The following PCDH15 variants were observed in gnomAD, a reference collection of about 807,000 sequenced individuals.
PCDH15 encodes protocadherin-15.
A neutral mutation model predicts 178.5 loss-of-function variants in PCDH15; 129 were observed. That is an observed-to-expected ratio of 0.72 (90% CI 0.63 to 0.84). PCDH15 has a LOEUF of 0.84. PCDH15 is among the 40% of genes least tolerant of loss of function. The pLI is 0.00. For missense variants in PCDH15, 2,230 were observed against 2,099.9 expected (o/e 1.06, Z -1.21); for synonymous variants, 800 against 732.0 (o/e 1.09, Z -1.50).
intron 2 of PCDH15, among the ~76,000 whole-genome samples, chr10:54,898,768 T>C (rs181058590): frequency 7.9e-5 from 12 of 152,302 alleles, no homozygotes; most frequent in Non-Finnish European, 1.8e-4. Context: ...CCTGAATATA[T>C]AGATAACATG....
chr10:54,599,857 GA>G, intron 2 of PCDH15: 1 of 653,612 alleles, frequency 1.5e-6, no homozygotes, highest in Non-Finnish European at 2.8e-6. Flanking sequence ...AACAGAGGCT[GA>G]AGGTGAAGTA....
At chr10:53,808,271 G>A in intron 37 of PCDH15, 1 of 333,912 alleles carries the variant, frequency 3.0e-6, no homozygotes, top group African/African-American at 2.3e-5. Context: ...ATAATTTGTT[G>A]AAGCTTGTCT....
At chr10:53,855,373 TA>T (rs1291962813) in intron 28 of PCDH15, among the ~76,000 whole-genome samples, 1 of 152,068 alleles carries the variant, frequency 6.6e-6, no homozygotes, top group Admixed American at 6.6e-5. Context: ...TTTTAAAGTA[TA>T]ATCAGCTATT....
intron 1 of PCDH15, among the ~76,000 whole-genome samples, chr10:55,218,292 G>A (rs1204227584): frequency 6.6e-6 from 1 of 151,876 alleles, no homozygotes; most frequent in Non-Finnish European, 1.5e-5. Flanking sequence ...CCTCTCTAGT[G>A]AAATCTATGG....
intron 2 of PCDH15, among the ~76,000 whole-genome samples, chr10:55,332,717 A>G (rs552926160): frequency 3.9e-5 from 6 of 152,282 alleles, no homozygotes; most frequent in Admixed American, 2.6e-4. Flanking sequence ...ATAATATTGA[A>G]TAAGTGTCAA....
intron 2 of PCDH15, chr10:54,568,747 A>G (rs1242326796): frequency 6.6e-6 from 1 of 152,240 alleles, no homozygotes; most frequent in East Asian, 1.9e-4. Context: ...CAGTATATCA[A>G]GTTTATGCTA....
intron 21 of PCDH15, among the ~76,000 whole-genome samples, chr10:53,969,630 G>A (rs1032503180): frequency 1.3e-5 from 2 of 152,202 alleles, no homozygotes; most frequent in Non-Finnish European, 2.9e-5. Context: ...TACCCACAAA[G>A]GGAAGCCCAT....
At position 55,018,861 on chromosome 10, in the gene PCDH15, C is replaced by T. The variant is rs999448044; in HGVS notation, c.-79-121361G>A. Reference sequence around the variant, plus strand: ...TAGCACACTGATAAAATATATACCTCGTATAGGATAAAATACTGTGGATTT... The same window carrying T: ...TAGCACACTGATAAAATATATACCTTGTATAGGATAAAATACTGTGGATTT... On this transcript the variant is annotated intron_variant, in intron 2 of 5. Transcript: ENST00000458638. 4.5e-4 allele frequency among the ~76,000 whole-genome samples: 69 copies of T among 152,114 alleles called. 1 individual carries two copies. Among genetic ancestry groups the T allele is most frequent in the Non-Finnish European group, 2.8e-4 (19 of 67,950 alleles).
At chr10:54,317,838 T>G (rs936064447) in intron 7 of PCDH15, among the ~76,000 whole-genome samples, 5 of 151,914 alleles carry the variant, frequency 3.3e-5, no homozygotes, top group African/African-American at 1.2e-4. Flanking sequence ...AAAAAAAGAT[T>G]GGTAAATTAA....
At chr10:54,294,630 T>C (rs1388589611) in intron 8 of PCDH15, among the ~76,000 whole-genome samples, 1 of 152,142 alleles carries the variant, frequency 6.6e-6, no homozygotes, top group East Asian at 1.9e-4. Context: ...ATTAAGTACA[T>C]ACTTAGCATA....
chr10:55,125,196 A>G (rs1025481261), intron 2 of PCDH15, among the ~76,000 whole-genome samples: 4 of 92,018 alleles, frequency 4.3e-5, no homozygotes, highest in African/African-American at 1.9e-4. Flanking sequence ...TGTGTGTGTA[A>G]GTTTAACAAA....
intron 25 of PCDH15, among the ~76,000 whole-genome samples, chr10:53,924,552 TGAG>T (rs2084316575): frequency 6.6e-6 from 1 of 152,206 alleles, no homozygotes; most frequent in Non-Finnish European, 1.5e-5. Flanking sequence ...GCCCAAGGGC[TGAG>T]GAGTGCGGGT....
intron 1 of PCDH15, among the ~76,000 whole-genome samples, chr10:55,284,454 A>G (rs1182919306): frequency 6.6e-6 from 1 of 152,114 alleles, no homozygotes. Context: ...ACTCAGAATC[A>G]GTGCTGTATT....
At chr10:54,600,065 T>A in intron 2 of PCDH15, 2 of 1,167,762 alleles carry the variant, frequency 1.7e-6, no homozygotes, top group East Asian at 2.6e-5. Context: ...GAAAAGGAAA[T>A]CGAGGAAGCT....
Position 53,969,925 on chromosome 10 carries a change from T to C in PCDH15, c.2869-8033A>G, listed in dbSNP as rs181451674. On this transcript the variant is annotated intron_variant, in intron 21 of 37. Transcript: ENST00000644397. ...AAAACATGCCAAATTGTAAAGACCA[T>C]TGATGCTAGGAAGAAACTGCATCAA... Among the ~76,000 whole-genome samples the C allele has an allele frequency of 2.3e-3, 348 of 152,294 alleles. 2 individuals carry two copies. The highest frequency in any genetic ancestry group is 7.7e-3 in the African/African-American group (319 of 41,570).
intron 2 of PCDH15, among the ~76,000 whole-genome samples, chr10:55,416,968 A>G (rs1838498235): frequency 6.6e-6 from 1 of 151,840 alleles, no homozygotes; most frequent in Admixed American, 6.6e-5. Context: ...AACAGGGACT[A>G]TAAAGACATA....
intron 1 of PCDH15, among the ~76,000 whole-genome samples, chr10:54,691,620 T>C (rs756341339): frequency 4.6e-5 from 7 of 151,744 alleles, no homozygotes; most frequent in Non-Finnish European, 8.8e-5. Context: ...TGAATGGCAA[T>C]GCTTAACTCT....
chr10:55,484,396 A>G (rs1840253908), intron 2 of PCDH15, among the ~76,000 whole-genome samples: 1 of 151,844 alleles, frequency 6.6e-6, no homozygotes, highest in South Asian at 2.1e-4. Flanking sequence ...GGAAGAGAAT[A>G]CAAACAAATG....
At chr10:54,821,910 T>A (rs11004587) in intron 3 of PCDH15, among the ~76,000 whole-genome samples, 86 of 152,144 alleles carry the variant, frequency 5.7e-4, no homozygotes, top group Non-Finnish European at 1.0e-3. Flanking sequence ...TTTTTAGTAT[T>A]CATCAATTAC....
Sources: allele counts gnomAD v4.1 joint callset (sites outside exome capture counted in the v4.1 genomes callset), GRCh38; gene constraint gnomAD v4.1.1; transcripts MANE v1.5; gene names NCBI Gene and HGNC (gene_info 2026-07-23, HGNC 2026-07-21).